The following RGS6 variants were observed in gnomAD, a reference collection of about 807,000 sequenced individuals.
The protein encoded by RGS6 is regulator of G-protein signaling 6.
In RGS6, 30 loss-of-function variants were observed where a neutral mutation model predicts 78.5. The ratio of observed to expected loss-of-function variants is 0.38; its 90% CI spans 0.29 to 0.52. RGS6 has a LOEUF of 0.52. Among genes scored for constraint, RGS6 ranks in the 20% least tolerant of loss-of-function variants. The probability of loss-of-function intolerance (pLI) is 0.85; values close to 1 mark genes in which losing one functional copy is unlikely to be tolerated. For missense variants in RGS6, 495 were observed against 609.7 expected (o/e 0.81, Z 1.98); for synonymous variants, 206 against 206.0 (o/e 1.00, Z 0.00).
At chr14:72,188,982 C>T (rs1387158255) in intron 2 of RGS6, among the ~76,000 whole-genome samples, 4 of 152,012 alleles carry the variant, frequency 2.6e-5, no homozygotes, top group South Asian at 2.1e-4. Context: ...ACGAGGTGCT[C>T]GAGGGATTAC....
rs2097701751 is a variant in RGS6, at chr14:72,564,713, T to G, written c.*2246T>G. On this transcript the variant is annotated 3_prime_UTR_variant, in exon 18 of 18. Coordinates refer to ENST00000553525, the MANE Select transcript of RGS6 (RefSeq NM_001204424.2). Reference sequence around the variant, plus strand: ...CTTGGCCATTCCCTCTGTGCCCCCTTCTCCTTCTGACTGGTCTCACCCTGG... The same window carrying G: ...CTTGGCCATTCCCTCTGTGCCCCCTGCTCCTTCTGACTGGTCTCACCCTGG... The G allele has an allele frequency of 6.6e-6, 1 of 152,204 alleles. No homozygotes were observed. Among genetic ancestry groups the G allele is most frequent in the Non-Finnish European group, 1.5e-5 (1 of 68,080 alleles). 9.4% of individuals were successfully genotyped at this position (152,204 alleles called of 1,614,324 possible).
At chr14:72,421,855 C>T (rs1289873175) in intron 3 of RGS6, 1 of 152,332 alleles carries the variant, frequency 6.6e-6, no homozygotes, top group African/African-American at 2.4e-5. Flanking sequence ...GCAAGAAAGA[C>T]TGGGCTCCCG....
At chr14:72,619,437 ACTT>A in the RGS6 span, 1 of 1,483,564 alleles carries the variant, frequency 6.7e-7, no homozygotes. Context: ...ACTGGCCCTA[ACTT>A]CTTGTAAATC....
intron 2 of RGS6, among the ~76,000 whole-genome samples, chr14:72,087,703 T>A (rs1263864025): frequency 6.6e-6 from 1 of 151,792 alleles, no homozygotes; most frequent in East Asian, 1.9e-4. Context: ...AGCCCATGAG[T>A]AAATACTGGT....
the RGS6 span, among the ~76,000 whole-genome samples, chr14:71,901,571 T>A: frequency 6.6e-6 from 1 of 152,210 alleles, no homozygotes; most frequent in Non-Finnish European, 1.5e-5. Context: ...AACTAAGCTT[T>A]TTTAGAGACA....
At chr14:72,541,273 A>T in intron 17 of RGS6, 1 of 1,449,694 alleles carries the variant, frequency 6.9e-7, no homozygotes, top group Non-Finnish European at 9.2e-7. Flanking sequence ...AAAAAGTCTA[A>T]GGCTCCTGGG....
the RGS6 span, among the ~76,000 whole-genome samples, chr14:71,907,721 GT>G: frequency 6.6e-6 from 1 of 152,142 alleles, no homozygotes; most frequent in East Asian, 1.9e-4. Flanking sequence ...AGGCAGGAGG[GT>G]TTTGCAGTGG....
intron 3 of RGS6, among the ~76,000 whole-genome samples, chr14:72,397,429 T>C (rs1466089707): frequency 7.2e-5 from 11 of 151,998 alleles, no homozygotes; most frequent in African/African-American, 2.7e-4. Flanking sequence ...AAGTTGCTTA[T>C]CAGCTTAAGG....
At chr14:72,203,143 G>T (rs1488756372) in intron 2 of RGS6, among the ~76,000 whole-genome samples, 2 of 152,100 alleles carry the variant, frequency 1.3e-5, no homozygotes, top group East Asian at 3.9e-4. Context: ...CCAAAGTGCT[G>T]GGATTATAGG....
At chr14:72,061,373 A>G (rs992014986) in intron 2 of RGS6, among the ~76,000 whole-genome samples, 1 of 152,192 alleles carries the variant, frequency 6.6e-6, no homozygotes, top group Admixed American at 6.5e-5. Context: ...CTTATAGGGA[A>G]TCAGAGAAGT....
intron 2 of RGS6, among the ~76,000 whole-genome samples, chr14:72,156,701 C>T (rs1368205075): frequency 6.7e-6 from 1 of 149,776 alleles, no homozygotes; most frequent in Admixed American, 6.6e-5. Flanking sequence ...GCTATTTCAG[C>T]AGGAAACAAT....
the RGS6 span, among the ~76,000 whole-genome samples, chr14:71,870,764 G>A: frequency 5.9e-5 from 9 of 152,182 alleles, no homozygotes; most frequent in African/African-American, 2.4e-5. Flanking sequence ...AGGTGCATAG[G>A]GGCAGCTGCC....
the RGS6 span, among the ~76,000 whole-genome samples, chr14:71,886,826 C>G: frequency 2.0e-5 from 3 of 152,136 alleles, no homozygotes; most frequent in Non-Finnish European, 2.9e-5. Context: ...TTAATACCAC[C>G]TTTTGCCAGA....
At chr14:72,371,307 A>C (rs930296019) in intron 3 of RGS6, among the ~76,000 whole-genome samples, 1 of 152,170 alleles carries the variant, frequency 6.6e-6, no homozygotes, top group Admixed American at 6.5e-5. Context: ...ATGTCGCATT[A>C]ATTCATCTTT....
At chr14:72,349,306 C>A (rs910906273) in intron 2 of RGS6, among the ~76,000 whole-genome samples, 1 of 152,202 alleles carries the variant, frequency 6.6e-6, no homozygotes, top group South Asian at 2.1e-4. Context: ...GAAATAACAA[C>A]TATTCTGAGG....
intron 2 of RGS6, among the ~76,000 whole-genome samples, chr14:72,221,882 C>G (rs1238771938): frequency 1.3e-5 from 2 of 152,130 alleles, no homozygotes; most frequent in Non-Finnish European, 2.9e-5. Context: ...CCATTAACCC[C>G]ACTTGTTTGC....
At chr14:72,186,027 C>T (rs2153707445) in intron 2 of RGS6, among the ~76,000 whole-genome samples, 1 of 152,354 alleles carries the variant, frequency 6.6e-6, no homozygotes, top group South Asian at 2.1e-4. Flanking sequence ...GTATTATTCT[C>T]TTCTATGTAA....
At chr14:72,353,982 T>TCAACAACAA (rs10658025) in intron 3 of RGS6, among the ~76,000 whole-genome samples, 9 of 148,668 alleles carry the variant, frequency 6.1e-5, no homozygotes, top group Non-Finnish European at 9.1e-5. Context: ...AGACTCTGTC[T>TCAACAACAA]CAGCAACAAC....
intron 2 of RGS6, among the ~76,000 whole-genome samples, chr14:72,042,090 G>A (rs2092454361): frequency 6.6e-6 from 1 of 151,052 alleles, no homozygotes; most frequent in Admixed American, 6.6e-5. Context: ...TAATACTAGA[G>A]AAATTTCCTC....
Sources: gnomAD v4.1 joint callset for allele counts (sites outside exome capture counted in the v4.1 genomes callset) on GRCh38, gnomAD v4.1.1 for gene constraint, MANE v1.5 for transcripts, NCBI Gene and HGNC (gene_info 2026-07-23, HGNC 2026-07-21) for gene names.